KCNK13: variants seen among roughly 807,000 people sequenced by gnomAD.
KCNK13 encodes potassium channel subfamily K member 13.
In KCNK13, 12 loss-of-function variants were observed where a neutral mutation model predicts 23.4. The observed-to-expected ratio is 0.51, with a 90% CI of 0.33 to 0.83. The LOEUF (loss-of-function observed/expected upper bound fraction) is 0.83, where lower values mean the gene tolerates loss of function less well. KCNK13 is among the 40% of genes least tolerant of loss of function. KCNK13 has a pLI of 0.02. For synonymous variants in KCNK13, 231 were observed against 229.5 expected, an observed-to-expected ratio of 1.01 and a Z score of -0.06; for missense variants, 463 against 556.3, an observed-to-expected ratio of 0.83 and a Z score of 1.69.
chr14:90,178,253 A>T (rs1890445785), intron 1 of KCNK13, among the ~76,000 whole-genome samples: 1 of 150,250 alleles, frequency 6.7e-6, no homozygotes, highest in South Asian at 2.1e-4. Context: ...AAAAAAAAAA[A>T]AAAGGATACC....
At chr14:90,099,313 G>A (rs984472092) in intron 1 of KCNK13, among the ~76,000 whole-genome samples, 2 of 152,148 alleles carry the variant, frequency 1.3e-5, no homozygotes, top group East Asian at 1.9e-4. Flanking sequence ...TAGGAGTAAC[G>A]GCCGGTGTAG....
intron 1 of KCNK13, among the ~76,000 whole-genome samples, chr14:90,110,698 TG>T (rs1225259917): frequency 6.6e-6 from 1 of 151,938 alleles, no homozygotes; most frequent in Non-Finnish European, 1.5e-5. Flanking sequence ...TTGAATCTTC[TG>T]GGGTACTTAC....
chr14:90,129,091 AG>A (rs1302536080), intron 1 of KCNK13, among the ~76,000 whole-genome samples: 19 of 152,236 alleles, frequency 1.2e-4, no homozygotes, highest in African/African-American at 4.1e-4. Context: ...AGATTACAAA[AG>A]AAGCAGCATG....
At chr14:90,103,779 T>C (rs1390354370) in intron 1 of KCNK13, among the ~76,000 whole-genome samples, 3 of 152,154 alleles carry the variant, frequency 2.0e-5, no homozygotes, top group African/African-American at 4.8e-5. Flanking sequence ...ACCAGGCTGG[T>C]CTCAAACCCG....
chr14:90,176,870 A>T (rs1007469590), intron 1 of KCNK13, among the ~76,000 whole-genome samples: 1 of 152,098 alleles, frequency 6.6e-6, no homozygotes, highest in African/African-American at 2.4e-5. Flanking sequence ...AAATACAAAA[A>T]TTAGCTCGGC....
intron 1 of KCNK13, among the ~76,000 whole-genome samples, chr14:90,166,120 C>T (rs2140440836): frequency 6.6e-6 from 1 of 152,250 alleles, no homozygotes; most frequent in African/African-American, 2.4e-5. Context: ...AGAAACATCC[C>T]CATAGTTCAG....
At chr14:90,083,062 TAAAAG>T (rs1000995753) in intron 1 of KCNK13, among the ~76,000 whole-genome samples, 16 of 152,236 alleles carry the variant, frequency 1.1e-4, no homozygotes, top group Admixed American at 6.5e-5. Flanking sequence ...TATACTATCT[TAAAAG>T]AAAGATCTGT....
chr14:90,122,415 T>C (rs1478117643), intron 1 of KCNK13, among the ~76,000 whole-genome samples: 3 of 151,880 alleles, frequency 2.0e-5, no homozygotes, highest in Admixed American at 2.0e-4. Flanking sequence ...CCTCCTGGGT[T>C]CAAGCGATTC....
At chr14:90,108,902 C>T (rs1396805935) in intron 1 of KCNK13, among the ~76,000 whole-genome samples, 2 of 152,154 alleles carry the variant, frequency 1.3e-5, no homozygotes, top group African/African-American at 4.8e-5. Context: ...TTGGGCCAGG[C>T]GCAGTGGCTG....
chr14:90,086,668 G>T (rs1416562426), intron 1 of KCNK13, among the ~76,000 whole-genome samples: 1 of 152,062 alleles, frequency 6.6e-6, no homozygotes, highest in African/African-American at 2.4e-5. Flanking sequence ...TGGTTTGAAT[G>T]GTGTCTTTCT....
At chr14:90,175,022 C>A (rs1259200173) in intron 1 of KCNK13, among the ~76,000 whole-genome samples, 2 of 152,168 alleles carry the variant, frequency 1.3e-5, no homozygotes, top group Non-Finnish European at 2.9e-5. Flanking sequence ...TCCCCCTTAT[C>A]TGAGATGTAC....
In KCNK13 at chr14:90,184,358, G is replaced by C; in HGVS notation, c.582G>C (p.Val194=). 6.2e-7 allele frequency: 1 copy of C among 1,614,252 alleles called. No individual in the cohort carries two copies. The highest frequency in any genetic ancestry group is 1.3e-5 in the African/African-American group (1 of 75,070). ...VDSLAGWKPS[V]YYVMLILCTA... ...GCCTGGCCGGCTGGAAGCCCTCCGT[G>C]TACTACGTCATGCTGATCCTATGCA... The change falls in exon 2 of 2, where the codon GTG becomes GTC. Residue 194 remains valine (V), a synonymous_variant. Coordinates refer to ENST00000282146, the MANE Select transcript of KCNK13 (RefSeq NM_022054.4). The surrounding 1 kb of genome is among the most constrained non-coding windows in gnomAD (Gnocchi z 5.6).
intron 1 of KCNK13, among the ~76,000 whole-genome samples, chr14:90,182,471 A>G (rs1032882877): frequency 1.3e-5 from 2 of 152,160 alleles, no homozygotes; most frequent in African/African-American, 4.8e-5. Flanking sequence ...GAGGATCATG[A>G]GAGAGCTCTT....
At chr14:90,107,281 C>T (rs1434827349) in intron 1 of KCNK13, among the ~76,000 whole-genome samples, 1 of 152,146 alleles carries the variant, frequency 6.6e-6, no homozygotes, top group South Asian at 2.1e-4. Flanking sequence ...AGATTGAGAC[C>T]ATCCTGGCTA....
intron 1 of KCNK13, among the ~76,000 whole-genome samples, chr14:90,169,014 G>A (rs1052009555): frequency 3.9e-5 from 6 of 152,128 alleles, no homozygotes; most frequent in African/African-American, 9.7e-5. Context: ...CTCCCCAACC[G>A]TGTGGAGCTG....
chr14:90,072,880 T>C (rs1889092434), intron 1 of KCNK13, among the ~76,000 whole-genome samples: 1 of 152,138 alleles, frequency 6.6e-6, no homozygotes. Flanking sequence ...AAAATAAAAG[T>C]ATGAAATTTT....
At chr14:90,157,507 C>T (rs1378715329) in intron 1 of KCNK13, among the ~76,000 whole-genome samples, 2 of 151,612 alleles carry the variant, frequency 1.3e-5, no homozygotes, top group African/African-American at 2.4e-5. Context: ...GAAATCCTCT[C>T]GCTCCGGCCT....
chr14:90,072,274 G>A (rs1889084319), intron 1 of KCNK13, among the ~76,000 whole-genome samples: 1 of 152,166 alleles, frequency 6.6e-6, no homozygotes, highest in Admixed American at 6.5e-5. Context: ...GCTCTCCTGT[G>A]TCTCTCAACG....
chr14:90,076,586 C>A (rs1049942817), intron 1 of KCNK13, among the ~76,000 whole-genome samples: 1 of 152,122 alleles, frequency 6.6e-6, no homozygotes, highest in African/African-American at 2.4e-5. Context: ...GTCCCTCAAC[C>A]CCCATCTGCA....
Sources: allele counts gnomAD v4.1 joint callset (sites outside exome capture counted in the v4.1 genomes callset), GRCh38; gene constraint gnomAD v4.1.1; non-coding constraint Gnocchi (gnomAD v3.1); transcripts MANE v1.5; gene names NCBI Gene and HGNC (gene_info 2026-07-23, HGNC 2026-07-21).